DPP6: variants seen among roughly 807,000 people sequenced by gnomAD.
DPP6 encodes A-type potassium channel modulatory protein DPP6.
Under a neutral mutation model 122.6 loss-of-function variants are expected in DPP6, and 69 were observed. The observed-to-expected ratio is 0.56, with a 90% confidence interval of 0.46 to 0.69. DPP6 has a LOEUF of 0.69. DPP6 is among the 30% of genes least tolerant of loss of function. The pLI is 0.00. For synonymous variants in DPP6, 418 were observed against 433.1 expected (o/e 0.97, Z 0.43); for missense variants, 928 against 1,116.9 (o/e 0.83, Z 2.41).
At chr7:154,440,370 T>C (rs1408104476) in intron 1 of DPP6, among the ~76,000 whole-genome samples, 1 of 151,986 alleles carries the variant, frequency 6.6e-6, no homozygotes, top group East Asian at 1.9e-4. Context: ...ACCCCGGAAG[T>C]ACTCACAAGA....
the DPP6 span, among the ~76,000 whole-genome samples, chr7:153,786,740 GAAAAAAAA>G: frequency 6.3e-5 from 2 of 31,784 alleles, no homozygotes; most frequent in African/African-American, 2.0e-4. Context: ...CTCCGTCTCA[GAAAAAAAA>G]AAAAAAAAAA....
chr7:154,329,965 G>A (rs921168517), intron 1 of DPP6, among the ~76,000 whole-genome samples: 4 of 152,142 alleles, frequency 2.6e-5, no homozygotes, highest in South Asian at 2.1e-4. Flanking sequence ...ACTCACAAGC[G>A]GGAGTTGAAC....
At chr7:153,834,575 G>A in the DPP6 span, among the ~76,000 whole-genome samples, 1 of 152,130 alleles carries the variant, frequency 6.6e-6, no homozygotes, top group Non-Finnish European at 1.5e-5. Flanking sequence ...TAGCATAGTT[G>A]CATATCACCT....
Position 154,801,372 on chromosome 7 carries a change from C to T in DPP6, c.1317C>T (p.Phe439=). 7 of 1,590,320 alleles carry T rather than the reference C, an allele frequency of 4.4e-6. No homozygotes were observed. Among genetic ancestry groups the T allele is most frequent in the Non-Finnish European group, 5.1e-6 (6 of 1,167,130 alleles). ...GTCCACAGAATGAAGAACCTGTGTT[C>T]TCCAAGGATGGCCGAAAGTTTTTCT... ...WLHRQNEEPV[F]SKDGRKFFFI... Residue 439 remains phenylalanine, a synonymous_variant, in exon 13 of 26, where the codon TTC becomes TTT. Transcript: ENST00000377770.
At chr7:154,491,168 A>T (rs904927902) in intron 3 of DPP6, among the ~76,000 whole-genome samples, 1 of 152,172 alleles carries the variant, frequency 6.6e-6, no homozygotes. Context: ...TTTTTACTGA[A>T]TATAAAGTAC....
At chr7:154,682,491 C>T (rs570612157) in intron 7 of DPP6, among the ~76,000 whole-genome samples, 1 of 152,208 alleles carries the variant, frequency 6.6e-6, no homozygotes, top group African/African-American at 2.4e-5. Flanking sequence ...AAATTGGGGT[C>T]GGCCCTCATT....
intron 5 of DPP6, among the ~76,000 whole-genome samples, chr7:154,632,979 T>TA (rs1422028459): frequency 5.3e-5 from 8 of 152,246 alleles, no homozygotes; most frequent in Middle Eastern, 3.4e-3. Context: ...TGTAATATAT[T>TA]AAAAAAATAA....
chr7:154,248,961 A>G (rs1440206701), intron 1 of DPP6, among the ~76,000 whole-genome samples: 1 of 152,224 alleles, frequency 6.6e-6, no homozygotes, highest in African/African-American at 2.4e-5. Context: ...AAAAGGGGAC[A>G]TGTCTTGGCA....
At chr7:154,117,393 C>T (rs974450689) in intron 1 of DPP6, among the ~76,000 whole-genome samples, 1 of 151,964 alleles carries the variant, frequency 6.6e-6, no homozygotes, top group African/African-American at 2.4e-5. Flanking sequence ...CTATTTTATA[C>T]TGATGTGCTC....
chr7:154,692,933 C>G (rs10278359), intron 7 of DPP6, among the ~76,000 whole-genome samples: 1 of 152,046 alleles, frequency 6.6e-6, no homozygotes, highest in East Asian at 1.9e-4. Context: ...CTGGGACTAC[C>G]GGCACACACC....
At chr7:154,129,379 A>G (rs1197327666) in intron 1 of DPP6, among the ~76,000 whole-genome samples, 1 of 151,952 alleles carries the variant, frequency 6.6e-6, no homozygotes, top group African/African-American at 2.4e-5. Flanking sequence ...ACCAGAGTTC[A>G]TTTTTAGAGG....
At chr7:154,425,621 G>GGGTGT (rs1554545601) in intron 1 of DPP6, among the ~76,000 whole-genome samples, 2 of 121,460 alleles carry the variant, frequency 1.6e-5, no homozygotes, top group African/African-American at 4.2e-5. Flanking sequence ...TGTGTGTGTG[G>GGGTGT]GTGTGTGTGT....
intron 5 of DPP6, among the ~76,000 whole-genome samples, chr7:154,609,386 A>C (rs1288449667): frequency 2.6e-5 from 4 of 152,236 alleles, no homozygotes; most frequent in Non-Finnish European, 5.9e-5. Flanking sequence ...TCTAAGATGC[A>C]AGCTTACAAG....
At chr7:154,884,760 C>G (rs982427118) in intron 21 of DPP6, 4 of 140,454 alleles carry the variant, frequency 2.8e-5, no homozygotes, top group Non-Finnish European at 4.8e-5. Context: ...CTCATACATG[C>G]TCACACAGGC....
At chr7:153,948,188 AGCT>A (rs1420700604) in intron 1 of DPP6, among the ~76,000 whole-genome samples, 3 of 152,198 alleles carry the variant, frequency 2.0e-5, no homozygotes, top group African/African-American at 4.8e-5. Context: ...TTTTCAAATA[AGCT>A]GCTATTTACT....
chr7:154,045,808 G>A (rs1266708392), intron 1 of DPP6, among the ~76,000 whole-genome samples: 2 of 152,208 alleles, frequency 1.3e-5, no homozygotes, highest in Non-Finnish European at 2.9e-5. Flanking sequence ...ACTTTGAGGA[G>A]TACTGATGAT....
At chr7:154,843,738 T>A (rs1241274334) in intron 16 of DPP6, among the ~76,000 whole-genome samples, 3 of 152,206 alleles carry the variant, frequency 2.0e-5, no homozygotes, top group African/African-American at 7.2e-5. Flanking sequence ...TATCCTGCAG[T>A]TGAGATCCAG....
chr7:154,775,802 A>G (rs1206793631), intron 10 of DPP6, among the ~76,000 whole-genome samples: 1 of 152,118 alleles, frequency 6.6e-6, no homozygotes, highest in Non-Finnish European at 1.5e-5. Context: ...CCATTTGCTG[A>G]CACTGTCTAC....
intron 1 of DPP6, among the ~76,000 whole-genome samples, chr7:154,091,013 C>T (rs1483085832): frequency 1.3e-5 from 2 of 150,360 alleles, no homozygotes; most frequent in African/African-American, 4.9e-5. Context: ...CCCAGCTACT[C>T]GGGAGGCTGA....
Sources: allele counts gnomAD v4.1 joint callset (sites outside exome capture counted in the v4.1 genomes callset), GRCh38; gene constraint gnomAD v4.1.1; transcripts MANE v1.5; gene names NCBI Gene and HGNC (gene_info 2026-07-23, HGNC 2026-07-21).